The following ST6GAL2 variants were observed in gnomAD, a reference collection of about 807,000 sequenced individuals.
ST6GAL2 encodes the protein ST6 beta-galactoside alpha-2,6-sialyltransferase 2.
Under a neutral mutation model 37.5 loss-of-function variants are expected in ST6GAL2, and 24 were observed. The ratio of observed to expected loss-of-function variants is 0.64; its 90% CI spans 0.46 to 0.90. ST6GAL2 has a LOEUF of 0.90. Among genes scored for constraint, ST6GAL2 ranks in the 40% least tolerant of loss-of-function variants. The pLI, the probability that ST6GAL2 is intolerant of heterozygous loss-of-function variation, is 0.00. For synonymous variants in ST6GAL2, 306 were observed against 295.1 expected (o/e 1.04, Z -0.38); for missense variants, 715 against 712.7 (o/e 1.00, Z -0.04).
intron 1 of ST6GAL2, among the ~76,000 whole-genome samples, chr2:106,868,747 G>C (rs1315589190): frequency 6.6e-6 from 1 of 152,170 alleles, no homozygotes; most frequent in East Asian, 1.9e-4. Context: ...TGTAGAGTTT[G>C]GGGGTTTCAG....
Position 106,804,946 on chromosome 2 carries a change from T to C in ST6GAL2, c.*1732A>G, listed in dbSNP as rs1675371547. ...ATATAGGACAAAGTTACCTATCCCT[T>C]CTCATTGACTTAATAACAAAACTCT... On this transcript the variant is annotated 3_prime_UTR_variant, in exon 6 of 6. Coordinates refer to ENST00000409382, the MANE Select transcript of ST6GAL2 (RefSeq NM_001142351.2). The C allele has an allele frequency of 6.6e-6, 1 of 152,134 alleles. No homozygotes were observed. Among genetic ancestry groups the C allele is most frequent in the Non-Finnish European group, 1.5e-5 (1 of 68,006 alleles). The allele number at this position is 152,134 out of a possible 1,614,324, so 9.4% of individuals were successfully genotyped here.
At chr2:106,808,021 C>T (rs556266429) in intron 5 of ST6GAL2, among the ~76,000 whole-genome samples, 11 of 152,282 alleles carry the variant, frequency 7.2e-5, no homozygotes, top group African/African-American at 2.6e-4. Context: ...AAAGACATCT[C>T]TTTTCTGAAA....
intron 5 of ST6GAL2, among the ~76,000 whole-genome samples, chr2:106,826,569 A>C (rs1000603865): frequency 2.0e-5 from 3 of 151,914 alleles, no homozygotes; most frequent in African/African-American, 7.3e-5. Flanking sequence ...TCAGAAAACA[A>C]CCAAATCTCA....
intron 4 of ST6GAL2, among the ~76,000 whole-genome samples, chr2:106,831,423 T>C (rs1676417301): frequency 1.3e-5 from 2 of 152,168 alleles, no homozygotes; most frequent in South Asian, 4.1e-4. Context: ...TCAAGTCTGT[T>C]CACAAATAGC....
At chr2:106,844,128 T>A in intron 1 of ST6GAL2, 94 bp from the exon 2 acceptor site, 1 of 596,486 alleles carries the variant, frequency 1.7e-6, no homozygotes. Context: ...CTGTAGGTGG[T>A]GGGGTGGGGT....
At chr2:106,842,929 C>T in intron 2 of ST6GAL2, 106 bp downstream of exon 2, 1 of 772,948 alleles carries the variant, frequency 1.3e-6, no homozygotes, top group Admixed American at 4.3e-5. Context: ...GGTGCGGAGA[C>T]CCCAGCTTGC....
chr2:106,835,839 C>T (rs1375969204), intron 2 of ST6GAL2, among the ~76,000 whole-genome samples: 2 of 152,220 alleles, frequency 1.3e-5, no homozygotes, highest in Admixed American at 6.5e-5. Context: ...ACATGAATGC[C>T]TCCAAGTTAA....
At chr2:106,833,583 C>A (rs1676512969) in intron 3 of ST6GAL2, among the ~76,000 whole-genome samples, 1 of 152,114 alleles carries the variant, frequency 6.6e-6, no homozygotes, top group African/African-American at 2.4e-5. Context: ...CGTGAAGAAA[C>A]GAGGTATTTT....
In ST6GAL2 at chr2:106,834,390, T is replaced by C. The variant is rs1558691728; in HGVS notation, c.944-244A>G. ...TTCAATTATGGGCGAGACTGTATGA[T>C]CTAAGTGATATTTAGATACTTGCTA... On this transcript the variant is annotated intron_variant, in intron 2 of 5. Transcript: ENST00000409382. The C allele has an allele frequency of 1.7e-5, 7 of 402,662 alleles. No homozygotes were observed. The South Asian group carries it at 2.1e-4, about 12-fold the overall frequency. The allele number at this position is 402,662 out of a possible 1,614,324, so 24.9% of individuals were successfully genotyped here. A position where few individuals can be genotyped will look rare whatever the true frequency, so the allele number is the denominator to read the frequency against.
At chr2:106,861,615 C>CTTTCTTTTT (rs1677799402) in intron 1 of ST6GAL2, among the ~76,000 whole-genome samples, 1 of 151,544 alleles carries the variant, frequency 6.6e-6, no homozygotes, top group East Asian at 1.9e-4. Context: ...TTCATTTATT[C>CTTTCTTTTT]TTTCTTTTTT....
intron 5 of ST6GAL2, chr2:106,813,037 C>G: frequency 1.6e-6 from 2 of 1,224,968 alleles, no homozygotes; most frequent in Non-Finnish European, 2.0e-6. Flanking sequence ...TGTATTTTTT[C>G]AAGCCAATCA....
chr2:106,857,637 C>T (rs1677630551), intron 1 of ST6GAL2, among the ~76,000 whole-genome samples: 1 of 152,112 alleles, frequency 6.6e-6, no homozygotes, highest in Admixed American at 6.6e-5. Context: ...AAAAAAACCA[C>T]ACACATATAC....
chr2:106,880,366 C>G (rs1033312521), intron 1 of ST6GAL2, among the ~76,000 whole-genome samples: 3 of 152,208 alleles, frequency 2.0e-5, no homozygotes. Context: ...TCTGTCATCA[C>G]AGAGAACAGC....
At chr2:106,866,156 T>G (rs141470730) in intron 1 of ST6GAL2, among the ~76,000 whole-genome samples, 2 of 152,302 alleles carry the variant, frequency 1.3e-5, no homozygotes, top group African/African-American at 2.4e-5. Context: ...TGGCCTCAAT[T>G]TTATGATGAA....
intron 1 of ST6GAL2, among the ~76,000 whole-genome samples, chr2:106,847,465 A>G (rs1171335181): frequency 6.6e-6 from 1 of 152,208 alleles, no homozygotes; most frequent in African/African-American, 2.4e-5. Flanking sequence ...GCACTGCAGT[A>G]TAATTCTGAC....
intron 1 of ST6GAL2, among the ~76,000 whole-genome samples, chr2:106,860,543 GGCAGCTGAGA>G (rs1267709812): frequency 6.6e-6 from 1 of 152,072 alleles, no homozygotes; most frequent in Non-Finnish European, 1.5e-5. Context: ...CAAAGGGCAG[GGCAGCTGAGA>G]GCTGTACACC....
intron 1 of ST6GAL2, among the ~76,000 whole-genome samples, chr2:106,865,025 T>C (rs1349422197): frequency 6.6e-6 from 1 of 152,192 alleles, no homozygotes; most frequent in Non-Finnish European, 1.5e-5. Context: ...ACCAATGGGA[T>C]GTTACTGAAC....
In ST6GAL2 at chr2:106,804,870, G is replaced by GAA. The variant is rs1675368984; in HGVS notation, c.*1806_*1807dup. The GAA allele has an allele frequency of 7.1e-6, 1 of 140,998 alleles. No homozygotes were observed. The highest frequency in any genetic ancestry group is 7.0e-5 in the Admixed American group (1 of 14,192). The allele number at this position is 140,998 out of a possible 1,614,324, so 8.7% of individuals were successfully genotyped here. A position where few individuals can be genotyped will look rare whatever the true frequency, so the allele number is the denominator to read the frequency against. ...AAAAAAAAAAAAAAAGAAAAGAAAA[G>GAA]AAATTAGAAAGGAACATGGCTTAAC... On this transcript the variant is annotated 3_prime_UTR_variant, in exon 6 of 6. Transcript: ENST00000409382.
chr2:106,877,343 C>T (rs1678547230), intron 1 of ST6GAL2, among the ~76,000 whole-genome samples: 1 of 152,206 alleles, frequency 6.6e-6, no homozygotes, highest in African/African-American at 2.4e-5. Flanking sequence ...GACAATGTCA[C>T]ATGAAAGTAA....
Sources: gnomAD v4.1 joint callset for allele counts (sites outside exome capture counted in the v4.1 genomes callset) on GRCh38, gnomAD v4.1.1 for gene constraint, MANE v1.5 for transcripts, NCBI Gene and HGNC (gene_info 2026-07-23, HGNC 2026-07-21) for gene names.